Variants in FAM171A1 observed in about 807,000 individuals in gnomAD.
FAM171A1 encodes protein FAM171A1.
A neutral mutation model predicts 74.9 loss-of-function variants in FAM171A1; 23 were observed. That is an observed-to-expected ratio of 0.31 (90% CI 0.22 to 0.44). The LOEUF is 0.44. FAM171A1 is among the 20% of genes least tolerant of loss of function. The pLI is 1.00. For synonymous variants in FAM171A1, 527 were observed against 505.7 expected, an observed-to-expected ratio of 1.04 and a Z score of -0.57; for missense variants, 1,162 against 1,159.2, an observed-to-expected ratio of 1.00 and a Z score of -0.03.
At chr10:15,252,618 C>T (rs1301947981) in intron 4 of FAM171A1, among the ~76,000 whole-genome samples, 1 of 152,178 alleles carries the variant, frequency 6.6e-6, no homozygotes, top group Non-Finnish European at 1.5e-5. Context: ...GGTTCCAAGT[C>T]CCCGAGGGCG....
chr10:15,223,724 C>T (rs1022689850), intron 5 of FAM171A1, among the ~76,000 whole-genome samples: 9 of 151,972 alleles, frequency 5.9e-5, no homozygotes, highest in Admixed American at 5.2e-4. Flanking sequence ...CACAGCAAAA[C>T]CCCGTCTCTA....
chr10:15,365,016 AG>A (rs67921109), intron 1 of FAM171A1, among the ~76,000 whole-genome samples: 10,896 of 152,254 alleles, frequency 0.072, 505 homozygotes, highest in Middle Eastern at 0.11. Flanking sequence ...ATACGGTTCC[AG>A]GGATCAGAAT....
chr10:15,326,188 G>A lies in FAM171A1; in HGVS notation c.98-42083C>T, dbSNP rs1835552685. Reference sequence around the variant, plus strand: ...AGGACTTATGTTCTCTGCCTCCCCTGTAACCCATCATTTCACTCAGTCATT... The same window carrying A: ...AGGACTTATGTTCTCTGCCTCCCCTATAACCCATCATTTCACTCAGTCATT... On this transcript the variant is annotated intron_variant, in intron 1 of 7. Transcript: ENST00000378116. Among the ~76,000 whole-genome samples, 10 of 152,060 alleles carry A rather than the reference G, an allele frequency of 6.6e-5. No individual in the cohort carries two copies. The South Asian group carries it at 1.9e-3, about 28-fold the overall frequency.
intron 1 of FAM171A1, among the ~76,000 whole-genome samples, chr10:15,303,629 T>C (rs1914549): frequency 0.45 from 68,254 of 152,156 alleles, 15,841 homozygotes; most frequent in East Asian, 0.78. Flanking sequence ...AGTTGTTTTT[T>C]CAAGTAGCAG....
At chr10:15,333,903 G>A (rs562547615) in intron 1 of FAM171A1, among the ~76,000 whole-genome samples, 10 of 151,746 alleles carry the variant, frequency 6.6e-5, no homozygotes, top group South Asian at 2.1e-4. Flanking sequence ...TATACTGGCC[G>A]TCTTTTCCCT....
rs116721957 is a variant in FAM171A1, at chr10:15,313,692, G to A, written c.98-29587C>T. 2.0e-3 allele frequency among the ~76,000 whole-genome samples: 309 copies of A among 152,246 alleles called. 1 individual carries two copies. The highest frequency in any genetic ancestry group is 7.1e-3 in the African/African-American group (296 of 41,534). ...CATCCAAACGCCAAGGAAAATGAAG[G>A]TGCATACATAAACATCCCGAGGGTG... On this transcript the variant is annotated intron_variant, in intron 1 of 7. Transcript: ENST00000378116.
At chr10:15,360,265 A>G (rs1211957773) in intron 1 of FAM171A1, among the ~76,000 whole-genome samples, 1 of 152,134 alleles carries the variant, frequency 6.6e-6, no homozygotes, top group Admixed American at 6.6e-5. Flanking sequence ...GTGAGACCCC[A>G]ACCAGAGACT....
chr10:15,361,587 G>A (rs539028717), intron 1 of FAM171A1, among the ~76,000 whole-genome samples: 1 of 152,244 alleles, frequency 6.6e-6, no homozygotes, highest in South Asian at 2.1e-4. Context: ...GGAGGGTGAG[G>A]CAAGAGAATC....
rs9919421 is a variant in FAM171A1 at position 15,368,702 on chromosome 10, G to C, written c.97+2254C>G. Among the ~76,000 whole-genome samples the C allele has an allele frequency of 6.4e-3, 977 of 152,300 alleles. 9 individuals are homozygous for C. The highest frequency in any genetic ancestry group is 0.022 in the African/African-American group (925 of 41,564). ...TATGCATAACAACCTACAACCCACT[G>C]TGGGAAATGCAAAGTGAAATCAGAT... On this transcript the variant is annotated intron_variant, in intron 1 of 7. Transcript: ENST00000378116.
At chr10:15,354,697 A>G (rs1835914701) in intron 1 of FAM171A1, among the ~76,000 whole-genome samples, 1 of 152,222 alleles carries the variant, frequency 6.6e-6, no homozygotes, top group Admixed American at 6.5e-5. Context: ...TGGGCCTCAG[A>G]ATTGCTTTGA....
intron 1 of FAM171A1, among the ~76,000 whole-genome samples, chr10:15,339,958 G>C (rs907738415): frequency 1.3e-5 from 2 of 152,126 alleles, no homozygotes; most frequent in Non-Finnish European, 2.9e-5. Flanking sequence ...ATCAGATCTC[G>C]TGAGACTTAT....
Position 15,214,129 on chromosome 10 carries a change from C to G in FAM171A1, c.1459G>C (p.Gly487Arg). The G allele has an allele frequency of 1.2e-6, 2 of 1,614,114 alleles. No homozygotes were observed. Among genetic ancestry groups the G allele is most frequent in the Non-Finnish European group, 1.7e-6 (2 of 1,180,006 alleles). The change falls in exon 8 of 8, where the codon GGT (glycine) becomes CGT (arginine). Residue 487 changes from glycine (G) to arginine (R), a missense_variant. Transcript: ENST00000378116. ...YESSGNDDYR[G>R]SYNTVLSQPL... Reference sequence around the variant, plus strand: ...TGTGAGAGCACGGTGTTGTAACTACCCCTGTAGTCATCATTGCCCGAGGAC... The same window carrying G: ...TGTGAGAGCACGGTGTTGTAACTACGCCTGTAGTCATCATTGCCCGAGGAC...
chr10:15,220,174 A>C (rs999947810), intron 6 of FAM171A1, among the ~76,000 whole-genome samples: 1 of 152,248 alleles, frequency 6.6e-6, no homozygotes, highest in Non-Finnish European at 1.5e-5. Flanking sequence ...CATGACTTTT[A>C]GATGTCTTTA....
intron 1 of FAM171A1, among the ~76,000 whole-genome samples, chr10:15,312,755 T>C (rs533616563): frequency 7.8e-6 from 1 of 128,310 alleles, no homozygotes; most frequent in Admixed American, 9.7e-5. Context: ...TGGAGTGCAG[T>C]GGTGCAATCT....
intron 1 of FAM171A1, among the ~76,000 whole-genome samples, chr10:15,307,701 T>C (rs1263195076): frequency 6.7e-6 from 1 of 149,860 alleles, no homozygotes; most frequent in Non-Finnish European, 1.5e-5. Context: ...AAAACAGTTC[T>C]ACCACCACAA....
At position 15,255,344 on chromosome 10, in the gene FAM171A1, G is replaced by A. The variant is rs1015164478; in HGVS notation, c.419-465C>T. 4.6e-5 allele frequency among the ~76,000 whole-genome samples: 7 copies of A among 152,266 alleles called. No individual in the cohort carries two copies. The South Asian group carries it at 1.2e-3, about 27-fold the overall frequency. On this transcript the variant is annotated intron_variant, in intron 3 of 7. Transcript: ENST00000378116. ...TAATGCCATGAACCAAATTGAAGGA[G>A]GGCAAGGGAATTAACAGTGCAACCT... is the stretch of plus-strand genomic sequence containing the variant.
intron 1 of FAM171A1, among the ~76,000 whole-genome samples, chr10:15,358,605 T>C (rs1835959411): frequency 6.6e-6 from 1 of 152,212 alleles, no homozygotes; most frequent in African/African-American, 2.4e-5. Flanking sequence ...AATCCCACTC[T>C]GTTCTATTGG....
At chr10:15,217,070 T>C (rs922810292) in intron 6 of FAM171A1, among the ~76,000 whole-genome samples, 1 of 152,156 alleles carries the variant, frequency 6.6e-6, no homozygotes, top group African/African-American at 2.4e-5. Context: ...ATAGCTAACC[T>C]TACGTGGCCA....
intron 5 of FAM171A1, among the ~76,000 whole-genome samples, chr10:15,225,174 C>T (rs574037702): frequency 1.3e-5 from 2 of 152,322 alleles, no homozygotes; most frequent in East Asian, 1.9e-4. Flanking sequence ...CTGTGTCTTG[C>T]GTTCCTTTTG....
Sources: allele counts gnomAD v4.1 joint callset (sites outside exome capture counted in the v4.1 genomes callset), GRCh38; gene constraint gnomAD v4.1.1; transcripts MANE v1.5; gene names NCBI Gene and HGNC (gene_info 2026-07-23, HGNC 2026-07-21).